Variants in FAM107B observed in about 807,000 individuals in gnomAD.
FAM107B encodes protein FAM107B.
FAM107B carries 21 observed loss-of-function variants against 31.5 expected under a neutral mutation model. That is an observed-to-expected ratio of 0.67 (90% CI 0.47 to 0.96). The LOEUF (loss-of-function observed/expected upper bound fraction) is 0.96, where lower values mean the gene tolerates loss of function less well. FAM107B is among the 40% of genes least tolerant of loss of function. The pLI, the probability that FAM107B is intolerant of heterozygous loss-of-function variation, is 0.00. For synonymous variants in FAM107B, 157 were observed against 141.5 expected, an observed-to-expected ratio of 1.11 and a Z score of -0.78; for missense variants, 452 against 377.1, an observed-to-expected ratio of 1.20 and a Z score of -1.64.
chr10:14,663,129 G>C (rs1388628430), intron 2 of FAM107B, among the ~76,000 whole-genome samples: 1 of 152,216 alleles, frequency 6.6e-6, no homozygotes, highest in South Asian at 2.1e-4. Context: ...TTTGCCAGGG[G>C]CTCCCAGGCC....
rs1047371102 is a variant in FAM107B at position 14,764,874 on chromosome 10, G to A, written c.411+9379C>T. Among the ~76,000 whole-genome samples, 7 of 152,202 alleles carry A rather than the reference G, an allele frequency of 4.6e-5. No homozygotes were observed. In the South Asian group the frequency reaches 1.0e-3, roughly 23 times the overall value. ...GACTGGAAATTTCAGCTATACACAC[G>A]TAGGTATTTTAGAAAAATGGGTCTT... is the stretch of plus-strand genomic sequence containing the variant. On this transcript the variant is annotated intron_variant, in intron 1 of 4. Coordinates refer to ENST00000181796, the MANE Select transcript of FAM107B (RefSeq NM_031453.4).
intron 2 of FAM107B, among the ~76,000 whole-genome samples, chr10:14,581,715 C>A (rs1005498981): frequency 1.1e-4 from 17 of 152,260 alleles, no homozygotes; most frequent in African/African-American, 4.1e-4. Flanking sequence ...AGCCTGGGCA[C>A]CATAGCAAGA....
intron 2 of FAM107B, among the ~76,000 whole-genome samples, chr10:14,562,832 A>G (rs1367727617): frequency 6.6e-6 from 1 of 152,240 alleles, no homozygotes; most frequent in African/African-American, 2.4e-5. Context: ...ATTGCATGCT[A>G]ATTTCCATGT....
At chr10:14,696,602 C>T (rs1168374494) in intron 1 of FAM107B, among the ~76,000 whole-genome samples, 1 of 152,112 alleles carries the variant, frequency 6.6e-6, no homozygotes, top group Admixed American at 6.6e-5. Flanking sequence ...AAATGTTTGG[C>T]AGGATTCAGT....
At chr10:14,569,533 A>C (rs914318035) in intron 2 of FAM107B, among the ~76,000 whole-genome samples, 17 of 152,216 alleles carry the variant, frequency 1.1e-4, no homozygotes, top group African/African-American at 4.1e-4. Flanking sequence ...TCATTTAGAA[A>C]AAAATATAGC....
rs182087223 is a variant in FAM107B at position 14,754,743 on chromosome 10, G to A, written c.411+19510C>T. ...AACAGAAGCTGTACTTTTCTTAGTC[G>A]TTTGAGCTGTGATTTGTGCCTGTAA... On this transcript the variant is annotated intron_variant, in intron 1 of 4. Coordinates refer to ENST00000181796, the MANE Select transcript of FAM107B (RefSeq NM_031453.4). Among the ~76,000 whole-genome samples the A allele has an allele frequency of 3.6e-4, 55 of 152,304 alleles. No homozygotes were observed. In the East Asian group the frequency reaches 8.5e-3, roughly 23 times the overall value.
intron 2 of FAM107B, among the ~76,000 whole-genome samples, chr10:14,573,916 CAA>C (rs549901262): frequency 7.3e-6 from 1 of 137,440 alleles, no homozygotes. Flanking sequence ...AACAAACAAA[CAA>C]AAAAAAAAAA....
At chr10:14,756,063 C>T (rs1832924172) in intron 1 of FAM107B, among the ~76,000 whole-genome samples, 1 of 152,048 alleles carries the variant, frequency 6.6e-6, no homozygotes, top group Non-Finnish European at 1.5e-5. Context: ...TTATGATTGG[C>T]ACCTAGAGCA....
At chr10:14,632,230 A>C (rs1853373484) in intron 2 of FAM107B, among the ~76,000 whole-genome samples, 1 of 147,106 alleles carries the variant, frequency 6.8e-6, no homozygotes, top group South Asian at 2.2e-4. Context: ...CCCAGAAGGC[A>C]GAGGTTTCAG....
chr10:14,755,913 T>A (rs1178965684), intron 1 of FAM107B, among the ~76,000 whole-genome samples: 1 of 152,230 alleles, frequency 6.6e-6, no homozygotes, highest in East Asian at 1.9e-4. Flanking sequence ...TTGAGCACGT[T>A]GGTGGGGGAC....
intron 1 of FAM107B, among the ~76,000 whole-genome samples, chr10:14,713,620 GT>G (rs1304703508): frequency 6.6e-6 from 1 of 152,154 alleles, no homozygotes; most frequent in Non-Finnish European, 1.5e-5. Context: ...AGGGTTCATG[GT>G]TTCCTAGCTT....
intron 2 of FAM107B, among the ~76,000 whole-genome samples, chr10:14,616,796 A>T (rs931056618): frequency 3.3e-5 from 5 of 152,082 alleles, no homozygotes; most frequent in South Asian, 2.1e-4. Context: ...GTGATGGCAC[A>T]TATCTGTGGA....
chr10:14,581,655 C>G (rs780766610), intron 2 of FAM107B, among the ~76,000 whole-genome samples: 12 of 152,190 alleles, frequency 7.9e-5, no homozygotes, highest in Non-Finnish European at 1.3e-4. Context: ...ACTCCCAGCT[C>G]TTTGGAAGGT....
At chr10:14,659,712 TA>T (rs1854178422) in intron 2 of FAM107B, among the ~76,000 whole-genome samples, 1 of 152,176 alleles carries the variant, frequency 6.6e-6, no homozygotes, top group African/African-American at 2.4e-5. Flanking sequence ...GACATGAAAG[TA>T]AAAGCAGACA....
intron 3 of FAM107B, among the ~76,000 whole-genome samples, chr10:14,526,732 C>T (rs1019835549): frequency 1.3e-5 from 2 of 152,276 alleles, no homozygotes; most frequent in East Asian, 1.9e-4. Context: ...AATATACAAG[C>T]CAAAGAACCA....
chr10:14,593,423 G>A (rs372976542), intron 2 of FAM107B, among the ~76,000 whole-genome samples: 3 of 152,122 alleles, frequency 2.0e-5, no homozygotes, highest in Non-Finnish European at 4.4e-5. Context: ...CTGGCCGGGC[G>A]CAGTGGCACT....
intron 2 of FAM107B, among the ~76,000 whole-genome samples, chr10:14,597,578 G>A (rs1852229152): frequency 6.6e-6 from 1 of 152,010 alleles, no homozygotes; most frequent in Non-Finnish European, 1.5e-5. Flanking sequence ...GAGCAGGTGG[G>A]GACAAGGGAC....
At chr10:14,628,090 T>C (rs1853211666) in intron 2 of FAM107B, among the ~76,000 whole-genome samples, 1 of 150,666 alleles carries the variant, frequency 6.6e-6, no homozygotes, top group Non-Finnish European at 1.5e-5. Flanking sequence ...GTTTGTTTCC[T>C]TGTTTGTTTT....
intron 2 of FAM107B, chr10:14,571,821 T>C (rs1444106064): frequency 1.0e-6 from 1 of 985,312 alleles, no homozygotes; most frequent in Admixed American, 6.1e-5. Flanking sequence ...TGGTGAAAAA[T>C]CATCCTTTAG....
Sources: allele counts gnomAD v4.1 joint callset (sites outside exome capture counted in the v4.1 genomes callset), GRCh38; gene constraint gnomAD v4.1.1; transcripts MANE v1.5; gene names NCBI Gene and HGNC (gene_info 2026-07-23, HGNC 2026-07-21).